Variants in BACH2 observed in about 807,000 individuals in gnomAD.
BACH2 encodes the protein BACH transcriptional regulator 2, also known as transcription regulator protein BACH2.
BACH2 carries 5 observed loss-of-function variants against 61.8 expected under a neutral mutation model. That is an observed-to-expected ratio of 0.08 (90% CI 0.04 to 0.17). The LOEUF is 0.17. Among genes scored for constraint, BACH2 ranks in the 10% least tolerant of loss-of-function variants. The probability of loss-of-function intolerance (pLI) is 1.00; values close to 1 mark genes in which losing one functional copy is unlikely to be tolerated. For missense variants in BACH2, 824 were observed against 1,091.1 expected (o/e 0.76, Z 3.45); for synonymous variants, 446 against 440.1 (o/e 1.01, Z -0.17).
intron 2 of BACH2, among the ~76,000 whole-genome samples, chr6:90,271,035 T>C (rs1771501833): frequency 7.9e-5 from 12 of 152,150 alleles, no homozygotes; most frequent in Admixed American, 7.2e-4. Context: ...TGTAGAAGAA[T>C]GAACTGGATC....
At chr6:90,213,784 T>A (rs1022124194) in intron 3 of BACH2, among the ~76,000 whole-genome samples, 5 of 152,196 alleles carry the variant, frequency 3.3e-5, no homozygotes, top group African/African-American at 1.2e-4. Flanking sequence ...AGGCACTCAA[T>A]ATATGCCAAA....
intron 7 of BACH2, among the ~76,000 whole-genome samples, chr6:89,941,667 G>C (rs1773438532): frequency 6.6e-6 from 1 of 152,318 alleles, no homozygotes; most frequent in Admixed American, 6.5e-5. Flanking sequence ...CCGGAACACA[G>C]AGGTCTGTCT....
chr6:90,293,436 C>T (rs571952234), intron 1 of BACH2, among the ~76,000 whole-genome samples: 1 of 152,334 alleles, frequency 6.6e-6, no homozygotes, highest in African/African-American at 2.4e-5. Flanking sequence ...CTGCTCTCAA[C>T]AATACAGATT....
At chr6:90,229,664 C>CT (rs1770031569) in intron 3 of BACH2, among the ~76,000 whole-genome samples, 1 of 152,144 alleles carries the variant, frequency 6.6e-6, no homozygotes, top group Non-Finnish European at 1.5e-5. Flanking sequence ...ACCTCTGAAA[C>CT]TTTTAAGTAG....
At chr6:89,939,802 C>T (rs1171048406) in intron 7 of BACH2, among the ~76,000 whole-genome samples, 1 of 144,036 alleles carries the variant, frequency 6.9e-6, no homozygotes, top group Non-Finnish European at 1.5e-5. Context: ...GTAGCTGGGA[C>T]AACCCTGCCC....
chr6:89,972,180 G>A (rs892546857), intron 6 of BACH2, among the ~76,000 whole-genome samples: 5 of 152,234 alleles, frequency 3.3e-5, no homozygotes, highest in South Asian at 2.1e-4. Context: ...AGGTCCTTCC[G>A]TGTCCGCCGC....
chr6:90,245,466 G>C (rs751236338), intron 3 of BACH2, among the ~76,000 whole-genome samples: 1 of 152,100 alleles, frequency 6.6e-6, no homozygotes, highest in Admixed American at 6.6e-5. Flanking sequence ...GTTGTGGTGC[G>C]TGCCTGTAGT....
chr6:89,988,872 T>C (rs1272963570), intron 6 of BACH2, among the ~76,000 whole-genome samples: 1 of 152,230 alleles, frequency 6.6e-6, no homozygotes, highest in African/African-American at 2.4e-5. Context: ...TGTTTAGCCA[T>C]CTGTTTTCTG....
At chr6:90,033,445 G>T (rs1779113054) in intron 5 of BACH2, among the ~76,000 whole-genome samples, 1 of 151,464 alleles carries the variant, frequency 6.6e-6, no homozygotes, top group Admixed American at 6.6e-5. Context: ...TCTACTCACA[G>T]TGGTCTGATG....
chr6:90,122,303 T>C (rs1287317543), intron 4 of BACH2, among the ~76,000 whole-genome samples: 2 of 152,180 alleles, frequency 1.3e-5, no homozygotes, highest in East Asian at 3.9e-4. Context: ...GTGAGAAATC[T>C]GTAGCGTGAA....
At chr6:89,996,283 C>T (rs143470211) in intron 6 of BACH2, among the ~76,000 whole-genome samples, 1 of 152,316 alleles carries the variant, frequency 6.6e-6, no homozygotes, top group African/African-American at 2.4e-5. Flanking sequence ...ACCTTCCTCA[C>T]CTATGCTAGG....
At chr6:90,144,847 G>A (rs915396530) in intron 4 of BACH2, among the ~76,000 whole-genome samples, 2 of 152,138 alleles carry the variant, frequency 1.3e-5, no homozygotes, top group African/African-American at 4.8e-5. Context: ...AGATCCCAGA[G>A]AGCGATCATC....
At chr6:90,016,267 G>A (rs183565463) in intron 5 of BACH2, among the ~76,000 whole-genome samples, 2 of 152,236 alleles carry the variant, frequency 1.3e-5, no homozygotes, top group East Asian at 3.9e-4. Flanking sequence ...TGTTTAATGT[G>A]ACAATTGATT....
chr6:90,234,854 C>CTAGG (rs1770207932), intron 3 of BACH2, among the ~76,000 whole-genome samples: 1 of 152,160 alleles, frequency 6.6e-6, no homozygotes, highest in African/African-American at 2.4e-5. Context: ...TAGAGGCAGC[C>CTAGG]TAGGGCCAAA....
intron 3 of BACH2, among the ~76,000 whole-genome samples, chr6:90,215,144 G>A (rs1769489457): frequency 6.6e-6 from 1 of 152,044 alleles, no homozygotes; most frequent in African/African-American, 2.4e-5. Context: ...CTCTCCACAG[G>A]GATCTAGTGT....
rs553552124 is a variant in BACH2 at position 90,119,726 on chromosome 6, A to G, written c.-161-30617T>C. The stretch of plus-strand genomic sequence containing the variant: ...TTCTTAGGGGGTAAAAATATTTTAA[A>G]TAAAACAAATATTTAGAAGTTCTTA... On this transcript the variant is annotated intron_variant, in intron 4 of 8. Transcript: ENST00000257749. Among the ~76,000 whole-genome samples the G allele has an allele frequency of 2.8e-4, 43 of 152,364 alleles. 1 individual carries two copies. The highest frequency in any genetic ancestry group is 9.9e-4 in the African/African-American group (41 of 41,594).
rs1309753106 is a variant in BACH2 at position 89,930,133 on chromosome 6, AC to A, written c.*2274del. The A allele has an allele frequency of 1.4e-5, 2 of 147,432 alleles. No individual in the cohort carries two copies. The highest frequency in any genetic ancestry group is 3.0e-5 in the Non-Finnish European group (2 of 66,758). The allele number at this position is 147,432 out of a possible 1,614,324, so 9.1% of individuals were successfully genotyped here. On this transcript the variant is annotated 3_prime_UTR_variant, in exon 9 of 9. Coordinates refer to ENST00000257749, the MANE Select transcript of BACH2 (RefSeq NM_021813.4). ...GTTTCAGACACACACACACACACAC[AC>A]ACACACACACACACACACACACACA...
rs1250611446 is a variant in BACH2 at position 90,072,301 on chromosome 6, G to A, written c.-13+16660C>T. 2.0e-5 allele frequency among the ~76,000 whole-genome samples: 3 copies of A among 152,122 alleles called. No individual in the cohort carries two copies. In the East Asian group the frequency reaches 5.8e-4, roughly 29 times the overall value. ...TGAACTGTTTGATTAGGTTAGAAAA[G>A]CAAATGGTACCCTAAGTATCAAAAG... On this transcript the variant is annotated intron_variant, in intron 5 of 8. Transcript: ENST00000257749.
intron 4 of BACH2, among the ~76,000 whole-genome samples, chr6:90,138,235 G>A (rs1222150843): frequency 2.0e-5 from 3 of 152,230 alleles, no homozygotes; most frequent in Non-Finnish European, 4.4e-5. Context: ...GGGCACGGTG[G>A]CTCACGCCTG....
Sources: gnomAD v4.1 joint callset for allele counts (sites outside exome capture counted in the v4.1 genomes callset) on GRCh38, gnomAD v4.1.1 for gene constraint, MANE v1.5 for transcripts, NCBI Gene and HGNC (gene_info 2026-07-23, HGNC 2026-07-21) for gene names.